Variants in ZNF267 observed in about 807,000 individuals in gnomAD.
The protein encoded by ZNF267 is zinc finger protein 267, also known as zinc finger (C2H2).
In ZNF267, 61 loss-of-function variants were observed where a neutral mutation model predicts 71.6. The observed-to-expected ratio is 0.85, with a 90% CI of 0.69 to 1.05. ZNF267 has a LOEUF of 1.05. Among genes scored for constraint, ZNF267 ranks in the 50% least tolerant of loss-of-function variants. ZNF267 has a pLI of 0.00. For synonymous variants in ZNF267, 288 were observed against 293.2 expected, an observed-to-expected ratio of 0.98 and a Z score of 0.18; for missense variants, 852 against 870.0, an observed-to-expected ratio of 0.98 and a Z score of 0.26.
intron 3 of ZNF267, chr16:31,912,634 TTCTC>T (rs2084144109): frequency 6.6e-6 from 1 of 151,766 alleles, no homozygotes; most frequent in East Asian, 1.9e-4. Flanking sequence ...CCCTGTCTCT[TTCTC>T]TCTTTAAGGC....
chr16:31,916,332 A>G lies in ZNF267; in HGVS notation c.2083A>G (p.Lys695Glu). 4 of 1,614,076 alleles carry G rather than the reference A, an allele frequency of 2.5e-6. No individual in the cohort carries two copies. The South Asian group carries it at 4.4e-5, about 18-fold the overall frequency. The change falls in exon 4 of 4, where the codon AAA (lysine) becomes GAA (glutamate). Residue 695 changes from lysine (K) to glutamate (E), a missense_variant. By Grantham distance (56) the Lys-to-Glu change is moderately conservative. Coordinates refer to ENST00000300870, the MANE Select transcript of ZNF267 (RefSeq NM_003414.6). ...ERPYKCDECG[K>E]AFSYRSYLTT... Reference sequence around the variant, plus strand: ...ACCCTACAAATGTGATGAATGTGGTAAAGCCTTCAGCTATAGGTCATACCT... The same window carrying G: ...ACCCTACAAATGTGATGAATGTGGTGAAGCCTTCAGCTATAGGTCATACCT...
Position 31,884,525 on chromosome 16 carries a change from G to A in ZNF267, c.31G>A (p.Val11Ile), listed in dbSNP as rs766639372. The change falls in exon 2 of 4, where the codon GTA becomes ATA. Residue 11 changes from valine to isoleucine, a missense_variant. Transcript: ENST00000300870. ...ACTGTTGACATTCAGGGATGTGGCC[G>A]TAGAATTCTCTTTGGAGGAGTGGGA... MGLLTFRDVA[V>I]EFSLEEWEHL... The A allele has an allele frequency of 9.9e-6, 16 of 1,613,960 alleles. No homozygotes were observed. Among genetic ancestry groups the A allele is most frequent in the South Asian group, 3.3e-5 (3 of 91,090 alleles).
In ZNF267 at chr16:31,915,910, G is replaced by A. The variant is rs756146826; in HGVS notation, c.1661G>A (p.Gly554Asp). Reference sequence around the variant, plus strand: ...AAACCCTATAAATGTAAAGAATGTGGCAAAGCCTTTCCTTATAGTTCACAC... The same window carrying A: ...AAACCCTATAAATGTAAAGAATGTGACAAAGCCTTTCCTTATAGTTCACAC... ...GEKPYKCKEC[G>D]KAFPYSSHLI... is the part of the protein sequence containing the mutation. Residue 554 changes from glycine (G) to aspartate (D), a missense_variant, in exon 4 of 4, where the codon GGC becomes GAC. Transcript: ENST00000300870. 49 of 1,613,732 alleles carry A rather than the reference G, an allele frequency of 3.0e-5. No homozygotes were observed. Among genetic ancestry groups the A allele is most frequent in the Admixed American group, 3.0e-4 (18 of 59,984 alleles).
chr16:31,893,099 CTGAAA>C (rs773018417), intron 3 of ZNF267, among the ~76,000 whole-genome samples: 9 of 152,256 alleles, frequency 5.9e-5, no homozygotes, highest in Non-Finnish European at 1.3e-4. Context: ...TGTGTATCCT[CTGAAA>C]TCTAAACGGG....
intron 3 of ZNF267, among the ~76,000 whole-genome samples, chr16:31,893,715 G>A (rs2083976941): frequency 6.6e-6 from 1 of 152,198 alleles, no homozygotes; most frequent in Non-Finnish European, 1.5e-5. Flanking sequence ...GTGGCTGCAT[G>A]CAGCTGGAGC....
chr16:31,884,497 G>C lies in ZNF267; in HGVS notation c.4-1G>C. The C allele has an allele frequency of 6.2e-7, 1 of 1,614,024 alleles. No homozygotes were observed. The highest frequency in any genetic ancestry group is 8.5e-7 in the Non-Finnish European group (1 of 1,179,986). On this transcript the variant is annotated splice_acceptor_variant, in intron 1 of 3. Transcript: ENST00000300870. LOFTEE classifies it high-confidence loss of function. ...CAGTGTATTCTTTATTTTTATTTCA[G>C]GGACTGTTGACATTCAGGGATGTGG...
At chr16:31,898,371 A>G (rs1323086422) in intron 3 of ZNF267, among the ~76,000 whole-genome samples, 1 of 152,168 alleles carries the variant, frequency 6.6e-6, no homozygotes, top group East Asian at 1.9e-4. Context: ...TTGAAAGCAT[A>G]GAGTCGGATC....
chr16:31,886,697 A>C (rs2083926795), intron 3 of ZNF267, among the ~76,000 whole-genome samples: 1 of 152,232 alleles, frequency 6.6e-6, no homozygotes, highest in South Asian at 2.1e-4. Context: ...TTTATCTTGT[A>C]AATGAAAGTT....
chr16:31,884,269 A>G (rs2083908970), intron 1 of ZNF267, among the ~76,000 whole-genome samples: 1 of 151,734 alleles, frequency 6.6e-6, no homozygotes, highest in Non-Finnish European at 1.5e-5. Flanking sequence ...CCTTAGTTTT[A>G]TATTTTACAT....
intron 3 of ZNF267, among the ~76,000 whole-genome samples, chr16:31,901,283 C>T (rs2084039094): frequency 6.6e-6 from 1 of 152,076 alleles, no homozygotes; most frequent in Non-Finnish European, 1.5e-5. Context: ...GTCTTTAGAG[C>T]AGCATGATTT....
chr16:31,874,011 G>A (rs2083833247), intron 1 of ZNF267, 42 bp downstream of exon 1: 1 of 1,599,110 alleles, frequency 6.3e-7, no homozygotes, highest in African/African-American at 1.3e-5. Flanking sequence ...GAGGGAGGGC[G>A]GTGGTCGGAA....
rs2084184652 is a variant in ZNF267 at position 31,917,089 on chromosome 16, A to G, written c.*608A>G. On this transcript the variant is annotated 3_prime_UTR_variant, in exon 4 of 4. Coordinates refer to ENST00000300870, the MANE Select transcript of ZNF267 (RefSeq NM_003414.6). ...AAAGCAAATATTATTTATATAATTC[A>G]GCTTTCAAATCTGTTGCTGCTTTTC... is the stretch of plus-strand genomic sequence containing the variant. The G allele has an allele frequency of 6.6e-6, 1 of 152,336 alleles. No individual in the cohort carries two copies. The highest frequency in any genetic ancestry group is 2.4e-5 in the African/African-American group (1 of 41,458). 9.4% of individuals were successfully genotyped at this position (152,336 alleles called of 1,614,324 possible). A position where few individuals can be genotyped will look rare whatever the true frequency, so the allele number is the denominator to read the frequency against.
Position 31,914,564 on chromosome 16 carries a change from C to G in ZNF267, c.315C>G (p.Ser105Arg). The G allele has an allele frequency of 6.2e-7, 1 of 1,614,068 alleles. No homozygotes were observed. Among genetic ancestry groups the G allele is most frequent in the Middle Eastern group, 1.6e-4 (1 of 6,062 alleles). Residue 105 changes from serine to arginine, a missense_variant, in exon 4 of 4, where the codon AGC becomes AGG. Transcript: ENST00000300870. ...FQKVISRRHG[S>R]CDLENLHLRK... is the part of the protein sequence containing the mutation. ...AAGTGATATCGAGGAGACATGGGAG[C>G]TGTGATCTTGAGAATTTACATTTAA...
At chr16:31,904,055 A>C (rs573117814) in intron 3 of ZNF267, among the ~76,000 whole-genome samples, 1 of 152,334 alleles carries the variant, frequency 6.6e-6, no homozygotes, top group East Asian at 1.9e-4. Flanking sequence ...TCCAGTAGTC[A>C]TTCAGGAGCA....
chr16:31,879,097 T>G (rs903614210), intron 1 of ZNF267, among the ~76,000 whole-genome samples: 12 of 152,244 alleles, frequency 7.9e-5, no homozygotes, highest in Admixed American at 6.5e-4. Context: ...CTGGGAATCA[T>G]TGATATAAAA....
chr16:31,876,366 G>A (rs150301047), intron 1 of ZNF267, among the ~76,000 whole-genome samples: 3 of 151,882 alleles, frequency 2.0e-5, no homozygotes, highest in Admixed American at 6.6e-5. Context: ...GGGGTGCTGC[G>A]CCATGGCTGG....
intron 3 of ZNF267, among the ~76,000 whole-genome samples, chr16:31,909,514 G>A (rs1827959): frequency 0.85 from 128,765 of 152,174 alleles, 57,297 homozygotes; most frequent in East Asian, 1. Context: ...TAATGTCTAG[G>A]TATTTAATTT....
chr16:31,906,621 T>C (rs2084092864), intron 3 of ZNF267, among the ~76,000 whole-genome samples: 1 of 152,156 alleles, frequency 6.6e-6, no homozygotes, highest in Non-Finnish European at 1.5e-5. Context: ...GTTAAGCCTA[T>C]TGGAAAAGCG....
intron 1 of ZNF267, among the ~76,000 whole-genome samples, chr16:31,879,758 C>T (rs935026652): frequency 2.0e-5 from 3 of 152,214 alleles, no homozygotes; most frequent in South Asian, 2.1e-4. Flanking sequence ...CTCTGTCTTT[C>T]CATGCCCCTG....
Sources: gnomAD v4.1 joint callset for allele counts (sites outside exome capture counted in the v4.1 genomes callset) on GRCh38, gnomAD v4.1.1 for gene constraint, MANE v1.5 for transcripts, NCBI Gene and HGNC (gene_info 2026-07-23, HGNC 2026-07-21) for gene names.